FOXN3: variants seen among roughly 807,000 people sequenced by gnomAD.
FOXN3 encodes the protein forkhead box N3.
A neutral mutation model predicts 38.4 loss-of-function variants in FOXN3; 7 were observed. That is an observed-to-expected ratio of 0.18 (90% CI 0.10 to 0.34). The LOEUF (loss-of-function observed/expected upper bound fraction) is 0.34, where lower values mean the gene tolerates loss of function less well. Ranked by LOEUF, FOXN3 falls within the 10% of genes least tolerant of loss-of-function variation. The pLI is 1.00. For synonymous variants in FOXN3, 230 were observed against 242.2 expected (o/e 0.95, Z 0.47); for missense variants, 456 against 613.4 (o/e 0.74, Z 2.71).
chr14:89,180,834 C>A, intron 4 of FOXN3, 28 bp from the exon 5 acceptor site: 1 of 1,553,886 alleles, frequency 6.4e-7, no homozygotes, highest in Non-Finnish European at 8.8e-7. Flanking sequence ...AGAAAGACAC[C>A]GCACGTGAAT....
chr14:89,293,022 T>C (rs1008406572), intron 3 of FOXN3, among the ~76,000 whole-genome samples: 1 of 152,240 alleles, frequency 6.6e-6, no homozygotes, highest in Non-Finnish European at 1.5e-5. Flanking sequence ...TCTCTGTCCA[T>C]GCTCGGCCCC....
At chr14:89,583,272 T>C (rs1275530832) in intron 1 of FOXN3, among the ~76,000 whole-genome samples, 1 of 152,204 alleles carries the variant, frequency 6.6e-6, no homozygotes, top group East Asian at 1.9e-4. Flanking sequence ...TCATCCCCAA[T>C]GCAGCATTGT....
intron 4 of FOXN3, chr14:89,223,203 GAGGA>G (rs1884523182): frequency 6.6e-6 from 1 of 152,448 alleles, no homozygotes; most frequent in Admixed American, 6.5e-5. Flanking sequence ...CTAGATCTAT[GAGGA>G]TGGGAGGCCG....
chr14:89,320,417 G>A (rs983327571), intron 3 of FOXN3, among the ~76,000 whole-genome samples: 4 of 152,212 alleles, frequency 2.6e-5, no homozygotes, highest in African/African-American at 9.6e-5. Context: ...TGTTAACTCA[G>A]GATTCCATGG....
intron 1 of FOXN3, among the ~76,000 whole-genome samples, chr14:89,559,625 A>G (rs243208): frequency 0.9 from 137,386 of 152,152 alleles, 62,562 homozygotes; most frequent in Non-Finnish European, 0.95. Flanking sequence ...GCAGTGAGCC[A>G]AGATTGCGCC....
At chr14:89,281,573 A>G (rs568229274) in intron 3 of FOXN3, among the ~76,000 whole-genome samples, 15 of 152,066 alleles carry the variant, frequency 9.9e-5, no homozygotes, top group Non-Finnish European at 1.5e-4. Context: ...TGCACTCCAT[A>G]CCCTATAAAA....
chr14:89,454,852 A>G (rs1439008458), intron 1 of FOXN3, among the ~76,000 whole-genome samples: 1 of 152,244 alleles, frequency 6.6e-6, no homozygotes, highest in African/African-American at 2.4e-5. Context: ...AATTGTCTTC[A>G]AACCCATCCC....
At chr14:89,178,833 T>C (rs1321767172) in intron 5 of FOXN3, among the ~76,000 whole-genome samples, 1 of 152,130 alleles carries the variant, frequency 6.6e-6, no homozygotes, top group Admixed American at 6.5e-5. Flanking sequence ...GCTGGGCCCA[T>C]AGTGAAAGCT....
intron 4 of FOXN3, among the ~76,000 whole-genome samples, chr14:89,253,135 GC>G (rs1421727093): frequency 6.6e-6 from 1 of 152,212 alleles, no homozygotes; most frequent in Non-Finnish European, 1.5e-5. Context: ...GCTCCCTCCT[GC>G]CCCAGGTTGT....
chr14:89,191,596 T>C (rs182353275), intron 4 of FOXN3, among the ~76,000 whole-genome samples: 9 of 152,260 alleles, frequency 5.9e-5, no homozygotes, highest in African/African-American at 1.9e-4. Flanking sequence ...TTATTTTGGA[T>C]ATTATGCTAG....
chr14:89,194,533 C>G (rs1290816718), intron 4 of FOXN3, among the ~76,000 whole-genome samples: 1 of 152,130 alleles, frequency 6.6e-6, no homozygotes, highest in Non-Finnish European at 1.5e-5. Context: ...GCTAGAACGT[C>G]TCATATGCCT....
chr14:89,588,045 G>A (rs777864653), intron 1 of FOXN3, among the ~76,000 whole-genome samples: 8 of 152,064 alleles, frequency 5.3e-5, no homozygotes, highest in African/African-American at 9.7e-5. Flanking sequence ...CTGGTGGGAG[G>A]TGACTGGATC....
At chr14:89,417,859 T>C (rs1035027497), upstream of FOXN3, 3 of 429,410 alleles carry the variant, frequency 7.0e-6, no homozygotes, top group African/African-American at 6.1e-5. Context: ...CGGTGGCCAT[T>C]ACAAGACAAG....
In FOXN3 at chr14:89,222,252, C is replaced by T. The variant is rs572804432; in HGVS notation, c.746-41446G>A. ...ATGCCCACTGTGGGGCTGGGGAGCT[C>T]TGGACAGAGTCAACTAAAGCTGGGA... On this transcript the variant is annotated intron_variant, in intron 4 of 5. Transcript: ENST00000557258. Among the ~76,000 whole-genome samples the T allele has an allele frequency of 7.2e-5, 11 of 152,308 alleles. No homozygotes were observed. The South Asian group carries it at 2.1e-3, about 29-fold the overall frequency.
At chr14:89,377,705 T>C (rs912250674) in intron 2 of FOXN3, among the ~76,000 whole-genome samples, 3 of 152,236 alleles carry the variant, frequency 2.0e-5, no homozygotes, top group African/African-American at 7.2e-5. Flanking sequence ...AGAGAGAACC[T>C]GCCCTCTACC....
rs186091191 is a variant in FOXN3, at chr14:89,180,838, C to T, written c.746-32G>A. 2.7e-5 allele frequency: 41 copies of T among 1,542,392 alleles called. 1 individual carries two copies. Among genetic ancestry groups the T allele is most frequent in the African/African-American group, 9.5e-5 (7 of 73,312 alleles). On this transcript the variant is annotated intron_variant, in intron 4 of 5. Coordinates refer to ENST00000557258, the MANE Select transcript of FOXN3 (RefSeq NM_005197.4). Reference sequence around the variant, plus strand: ...AAGCAAAGGGGAGAAAGACACCGCACGTGAATTCAACTGTGAAGATTTCCG... The same window carrying T: ...AAGCAAAGGGGAGAAAGACACCGCATGTGAATTCAACTGTGAAGATTTCCG...
intron 3 of FOXN3, chr14:89,350,401 G>A (rs913984004): frequency 1.1e-5 from 3 of 284,524 alleles, no homozygotes; most frequent in African/African-American, 4.4e-5. Flanking sequence ...GAAAGCTGTC[G>A]ACTTTTCTTT....
At chr14:89,601,818 G>C (rs1433678664) in intron 1 of FOXN3, among the ~76,000 whole-genome samples, 1 of 152,034 alleles carries the variant, frequency 6.6e-6, no homozygotes, top group Non-Finnish European at 1.5e-5. Context: ...CTCTGGGGCA[G>C]GGTCTTATCT....
intron 4 of FOXN3, among the ~76,000 whole-genome samples, chr14:89,253,378 A>T (rs1885521317): frequency 6.6e-6 from 1 of 152,132 alleles, no homozygotes; most frequent in South Asian, 2.1e-4. Context: ...GCATGGCCTC[A>T]AGGTGGAGAT....
Sources: gnomAD v4.1 joint callset for allele counts (sites outside exome capture counted in the v4.1 genomes callset) on GRCh38, gnomAD v4.1.1 for gene constraint, MANE v1.5 for transcripts, NCBI Gene and HGNC (gene_info 2026-07-23, HGNC 2026-07-21) for gene names.